The following WWP1 variants were observed in gnomAD, a reference collection of about 807,000 sequenced individuals.
WWP1 encodes NEDD4-like E3 ubiquitin-protein ligase WWP1.
WWP1 carries 49 observed loss-of-function variants against 130.6 expected under a neutral mutation model. That is an observed-to-expected ratio of 0.38 (90% CI 0.30 to 0.48). The LOEUF (loss-of-function observed/expected upper bound fraction) is 0.48, where lower values mean the gene tolerates loss of function less well. Among genes scored for constraint, WWP1 ranks in the 20% least tolerant of loss-of-function variants. The probability of loss-of-function intolerance (pLI) is 0.99; values close to 1 mark genes in which losing one functional copy is unlikely to be tolerated. For synonymous variants in WWP1, 332 were observed against 367.8 expected (o/e 0.90, Z 1.11); for missense variants, 809 against 1,100.6 (o/e 0.74, Z 3.75).
intron 3 of WWP1, among the ~76,000 whole-genome samples, chr8:86,378,423 G>C (rs1453413383): frequency 3.3e-5 from 5 of 151,874 alleles, no homozygotes; most frequent in Non-Finnish European, 2.9e-5. Flanking sequence ...ATTTTTTGAA[G>C]GGATGTTATT....
intron 21 of WWP1, 37 bp downstream of exon 21, chr8:86,452,716 A>G (rs1220146800): frequency 6.2e-7 from 1 of 1,605,100 alleles, no homozygotes; most frequent in South Asian, 1.1e-5. Context: ...AGGGAATGTT[A>G]GTGGGGGGAG....
In WWP1 at chr8:86,427,711, G is replaced by A; in HGVS notation, c.1226G>A (p.Trp409Ter). Residue 409 changes from tryptophan to a stop codon, truncating the protein, a stop_gained, in exon 11 of 25, where the codon TGG becomes TAG. Coordinates refer to ENST00000517970, the MANE Select transcript of WWP1 (RefSeq NM_007013.4). LOFTEE classifies it high-confidence loss of function. ...GATCATAACACCAGAACAACAACGT[G>A]GCAGCGGCCTACCATGGAATCTGTC... ...YVDHNTRTTTWQRPTMESVRN... is the reference protein window; with the variant it reads ...YVDHNTRTTT 1 of 1,613,996 alleles carries A rather than the reference G, an allele frequency of 6.2e-7. No individual in the cohort carries two copies.
intron 2 of WWP1, among the ~76,000 whole-genome samples, chr8:86,369,269 A>C (rs1278801056): frequency 6.6e-6 from 1 of 152,178 alleles, no homozygotes; most frequent in Non-Finnish European, 1.5e-5. Flanking sequence ...TTATCTTTTA[A>C]GTGTCATACA....
intron 14 of WWP1, among the ~76,000 whole-genome samples, chr8:86,433,492 T>TA (rs1810110031): frequency 6.6e-6 from 1 of 151,414 alleles, no homozygotes; most frequent in African/African-American, 2.4e-5. Context: ...GGCGGGTAGA[T>TA]CACTTGAGCC....
intron 16 of WWP1, among the ~76,000 whole-genome samples, chr8:86,436,558 A>C (rs1005951168): frequency 6.6e-6 from 1 of 152,200 alleles, no homozygotes; most frequent in Admixed American, 6.5e-5. Flanking sequence ...AGCAGGGACT[A>C]TTGGTTTACT....
In WWP1 at chr8:86,418,156, C is replaced by T. The variant is rs113943765; in HGVS notation, c.1061+6282C>T. Among the ~76,000 whole-genome samples, 351 of 152,256 alleles carry T rather than the reference C, an allele frequency of 2.3e-3. 5 individuals are homozygous for T. Among genetic ancestry groups the T allele is most frequent in the African/African-American group, 7.9e-3 (329 of 41,542 alleles). The stretch of plus-strand genomic sequence containing the variant: ...CCACATCAGTACAAGTAAATTCACA[C>T]ATTGACCAAATATTTAATCGACAAA... On this transcript the variant is annotated intron_variant, in intron 9 of 24. Coordinates refer to ENST00000517970, the MANE Select transcript of WWP1 (RefSeq NM_007013.4).
chr8:86,410,889 A>G (rs1197708454), intron 8 of WWP1, among the ~76,000 whole-genome samples: 1 of 152,038 alleles, frequency 6.6e-6, no homozygotes, highest in Admixed American at 6.5e-5. Flanking sequence ...GAACTTTGAT[A>G]TATGGTCTTC....
At chr8:86,398,683 A>G in intron 7 of WWP1, 45 bp downstream of exon 7, 1 of 1,587,548 alleles carries the variant, frequency 6.3e-7, no homozygotes, top group Non-Finnish European at 8.6e-7. Flanking sequence ...GATGTGGAAC[A>G]TATTTCCTGA....
intron 14 of WWP1, 98 bp from the exon 15 acceptor site, chr8:86,435,354 G>A: frequency 8.1e-7 from 1 of 1,235,460 alleles, no homozygotes; most frequent in African/African-American, 1.5e-5. Flanking sequence ...ATCTTCCTGT[G>A]GTATTTTGTT....
intron 9 of WWP1, among the ~76,000 whole-genome samples, chr8:86,417,853 C>G (rs946678009): frequency 1.3e-5 from 2 of 152,082 alleles, no homozygotes; most frequent in African/African-American, 4.8e-5. Context: ...GAGCCTTGTT[C>G]TAGGCATGTG....
chr8:86,409,382 C>G (rs1808460330), intron 8 of WWP1, among the ~76,000 whole-genome samples: 1 of 150,326 alleles, frequency 6.7e-6, no homozygotes, highest in African/African-American at 2.4e-5. Context: ...TACAGGCACA[C>G]AACCACCACA....
chr8:86,403,776 T>C (rs562584932), intron 8 of WWP1, among the ~76,000 whole-genome samples: 16 of 151,300 alleles, frequency 1.1e-4, no homozygotes, highest in African/African-American at 3.4e-4. Flanking sequence ...AAATACGGTT[T>C]CCCAAGTACT....
chr8:86,396,786 G>A (rs1178812730), intron 5 of WWP1, among the ~76,000 whole-genome samples: 1 of 152,066 alleles, frequency 6.6e-6, no homozygotes, highest in Non-Finnish European at 1.5e-5. Flanking sequence ...AAAAAATAGA[G>A]ACAGCGTCTT....
At chr8:86,401,944 A>G in intron 7 of WWP1, 75 bp from the exon 8 acceptor site, 5 of 1,323,740 alleles carry the variant, frequency 3.8e-6, no homozygotes, top group Non-Finnish European at 5.0e-6. Flanking sequence ...AGAATTTAGT[A>G]AATCCTATGA....
chr8:86,359,076 A>G (rs902296757), intron 1 of WWP1, among the ~76,000 whole-genome samples: 58 of 152,210 alleles, frequency 3.8e-4, no homozygotes, highest in African/African-American at 1.4e-3. Context: ...AATGCCCAAC[A>G]CAGTCCCCAG....
intron 7 of WWP1, among the ~76,000 whole-genome samples, chr8:86,399,451 T>C (rs991429505): frequency 1.3e-5 from 2 of 152,170 alleles, no homozygotes; most frequent in East Asian, 1.9e-4. Context: ...CCTGAAAATA[T>C]AAAAATATAT....
Position 86,381,524 on chromosome 8 carries a change from A to G in WWP1, c.229A>G (p.Thr77Ala). 1 of 1,609,214 alleles carries G rather than the reference A, an allele frequency of 6.2e-7. No homozygotes were observed. The highest frequency in any genetic ancestry group is 8.5e-7 in the Non-Finnish European group (1 of 1,179,004). ...QLTVNVTPQT[T>A]LEFQVWSHRT... is the part of the protein sequence containing the mutation. ...TTCCAGAAATGTTACGCCACAGACTACATTGGAATTTCAAGTTTGGAGCCA... is the reference window on the plus strand; with the variant it reads ...TTCCAGAAATGTTACGCCACAGACTGCATTGGAATTTCAAGTTTGGAGCCA... Residue 77 changes from threonine (T) to alanine (A), a missense_variant, in exon 5 of 25, where the codon ACA (threonine) becomes GCA (alanine). By Grantham distance (58) the Thr-to-Ala change is moderately conservative. Coordinates refer to ENST00000517970, the MANE Select transcript of WWP1 (RefSeq NM_007013.4).
chr8:86,432,422 C>T (rs746391786), intron 14 of WWP1, among the ~76,000 whole-genome samples: 31 of 152,048 alleles, frequency 2.0e-4, no homozygotes, highest in Non-Finnish European at 4.3e-4. Flanking sequence ...CTGGTACATT[C>T]GATTCCTACC....
At chr8:86,392,420 C>G (rs2130446873) in intron 5 of WWP1, among the ~76,000 whole-genome samples, 1 of 152,244 alleles carries the variant, frequency 6.6e-6, no homozygotes, top group South Asian at 2.1e-4. Flanking sequence ...GGCTGCCATT[C>G]AAATACTGAT....
Sources: gnomAD v4.1 joint callset for allele counts (sites outside exome capture counted in the v4.1 genomes callset) on GRCh38, gnomAD v4.1.1 for gene constraint, MANE v1.5 for transcripts, NCBI Gene and HGNC (gene_info 2026-07-23, HGNC 2026-07-21) for gene names.